Variants in BMPR1A observed in about 807,000 individuals in gnomAD.
BMPR1A encodes the protein bone morphogenetic protein receptor type 1A.
BMPR1A carries 7 observed loss-of-function variants against 66.0 expected under a neutral mutation model. That is an observed-to-expected ratio of 0.11 (90% CI 0.06 to 0.20). BMPR1A has a LOEUF of 0.20. Ranked by LOEUF, BMPR1A falls within the 10% of genes least tolerant of loss-of-function variation. The pLI is 1.00. For missense variants in BMPR1A, 408 were observed against 669.1 expected (o/e 0.61, Z 4.31); for synonymous variants, 200 against 229.7 (o/e 0.87, Z 1.17).
chr10:86,896,877 T>C (rs1001945292), intron 5 of BMPR1A, among the ~76,000 whole-genome samples: 4 of 152,194 alleles, frequency 2.6e-5, no homozygotes, highest in African/African-American at 9.7e-5. Flanking sequence ...CCAGCACTTA[T>C]CTAACTTTCT....
chr10:86,894,421 G>A (rs1446120161), intron 5 of BMPR1A, among the ~76,000 whole-genome samples: 1 of 152,200 alleles, frequency 6.6e-6, no homozygotes, highest in Non-Finnish European at 1.5e-5. Flanking sequence ...GGGATTTAAA[G>A]GATGCTAATT....
At position 86,875,322 on chromosome 10, in the gene BMPR1A, G is replaced by A. The variant is rs56886120; in HGVS notation, c.-152-545G>A. 5.8e-3 allele frequency among the ~76,000 whole-genome samples: 865 copies of A among 149,426 alleles called. 8 individuals carry two copies. Among genetic ancestry groups the A allele is most frequent in the African/African-American group, 0.02 (819 of 40,678 alleles). On this transcript the variant is annotated intron_variant, in intron 2 of 12. Coordinates refer to ENST00000372037, the MANE Select transcript of BMPR1A (RefSeq NM_004329.3). ...CAGGAGGTGGAGGTTGCAGTGAGTC[G>A]AGATGGTGCCATTGCACTCCAGCCT...
intron 1 of BMPR1A, among the ~76,000 whole-genome samples, chr10:86,793,094 A>G (rs867988381): frequency 9.4e-6 from 1 of 106,098 alleles, no homozygotes; most frequent in Admixed American, 1.0e-4. Context: ...CCTGATCTAT[A>G]CCCCCCCCCA....
chr10:86,791,716 C>T (rs888850930), intron 1 of BMPR1A, among the ~76,000 whole-genome samples: 3 of 93,130 alleles, frequency 3.2e-5, no homozygotes, highest in African/African-American at 1.2e-4. Context: ...TCCCTCCCTT[C>T]CTTCCTTCCT....
At chr10:86,892,441 A>C (rs1843166076) in intron 5 of BMPR1A, among the ~76,000 whole-genome samples, 1 of 152,144 alleles carries the variant, frequency 6.6e-6, no homozygotes, top group Admixed American at 6.5e-5. Flanking sequence ...GTTTGATTAC[A>C]ATTTCCTTTT....
intron 7 of BMPR1A, among the ~76,000 whole-genome samples, chr10:86,911,013 G>A (rs1189035196): frequency 3.3e-5 from 5 of 152,026 alleles, no homozygotes; most frequent in Non-Finnish European, 5.9e-5. Context: ...AAATTAGCCA[G>A]GCGTAGTGGA....
rs141036804 is a variant in BMPR1A at position 86,845,390 on chromosome 10, G to A, written c.-153+6411G>A. Among the ~76,000 whole-genome samples, 143 of 152,300 alleles carry A rather than the reference G, an allele frequency of 9.4e-4. 1 individual carries two copies. Among genetic ancestry groups the A allele is most frequent in the Middle Eastern group, 3.4e-3 (1 of 294 alleles). ...ATGCATGCACCAACTTTCACCTGTTGTTAATTGAAGGTTGCTCCGTGAGCT... is the reference window on the plus strand; with the variant it reads ...ATGCATGCACCAACTTTCACCTGTTATTAATTGAAGGTTGCTCCGTGAGCT... On this transcript the variant is annotated intron_variant, in intron 2 of 12. Coordinates refer to ENST00000372037, the MANE Select transcript of BMPR1A (RefSeq NM_004329.3).
intron 1 of BMPR1A, among the ~76,000 whole-genome samples, chr10:86,795,010 A>G (rs1244804833): frequency 1.3e-5 from 2 of 151,452 alleles, no homozygotes; most frequent in East Asian, 3.9e-4. Flanking sequence ...CACCACCACA[A>G]CTAGCTAATT....
At chr10:86,778,021 AAATT>A (rs1464570866) in intron 1 of BMPR1A, among the ~76,000 whole-genome samples, 2 of 152,018 alleles carry the variant, frequency 1.3e-5, no homozygotes, top group Non-Finnish European at 2.9e-5. Flanking sequence ...AAAAAAAAAA[AAATT>A]AAATTGACAA....
chr10:86,786,751 C>G (rs1420383999), intron 1 of BMPR1A, among the ~76,000 whole-genome samples: 2 of 152,176 alleles, frequency 1.3e-5, no homozygotes, highest in African/African-American at 2.4e-5. Context: ...GACTTATGTT[C>G]CACCTGGATG....
intron 2 of BMPR1A, among the ~76,000 whole-genome samples, chr10:86,869,036 A>G (rs1042427940): frequency 3.3e-5 from 5 of 152,180 alleles, no homozygotes; most frequent in African/African-American, 9.7e-5. Flanking sequence ...GCAGCATGTC[A>G]AATATCTGCA....
chr10:86,772,184 A>C (rs1180674021), intron 1 of BMPR1A, among the ~76,000 whole-genome samples: 5 of 131,824 alleles, frequency 3.8e-5, no homozygotes, highest in Non-Finnish European at 7.6e-5. Flanking sequence ...AGGCTGGAGT[A>C]CAGTGGCACG....
intron 5 of BMPR1A, among the ~76,000 whole-genome samples, chr10:86,897,043 C>T (rs1843233327): frequency 2.6e-5 from 4 of 152,172 alleles, no homozygotes; most frequent in Admixed American, 2.6e-4. Context: ...CTTCCACTCC[C>T]CAGGCTGCAT....
intron 1 of BMPR1A, among the ~76,000 whole-genome samples, chr10:86,761,078 G>T (rs1395788454): frequency 6.6e-6 from 1 of 152,176 alleles, no homozygotes; most frequent in Non-Finnish European, 1.5e-5. Flanking sequence ...GATGTGCCTG[G>T]AAATCCCCAG....
chr10:86,795,734 AT>A (rs1159079276), intron 1 of BMPR1A, among the ~76,000 whole-genome samples: 8 of 151,900 alleles, frequency 5.3e-5, no homozygotes, highest in Non-Finnish European at 4.4e-5. Flanking sequence ...GTTGCTACTT[AT>A]TTTTTTTAAG....
chr10:86,762,156 C>G (rs1841070130), intron 1 of BMPR1A, among the ~76,000 whole-genome samples: 1 of 152,220 alleles, frequency 6.6e-6, no homozygotes, highest in East Asian at 1.9e-4. Flanking sequence ...ATAGACATGG[C>G]TGGACCTAAG....
intron 1 of BMPR1A, among the ~76,000 whole-genome samples, chr10:86,809,201 C>G (rs1268424741): frequency 6.6e-6 from 1 of 152,120 alleles, no homozygotes; most frequent in Non-Finnish European, 1.5e-5. Context: ...TTAAAGTATA[C>G]AATTCCAGTT....
intron 3 of BMPR1A, among the ~76,000 whole-genome samples, chr10:86,878,424 G>A (rs538071004): frequency 6.6e-6 from 1 of 152,148 alleles, no homozygotes; most frequent in Non-Finnish European, 1.5e-5. Flanking sequence ...TTTACAACAG[G>A]ATATATTAAT....
At chr10:86,904,352 G>GA (rs1357631728) in intron 7 of BMPR1A, among the ~76,000 whole-genome samples, 2 of 152,082 alleles carry the variant, frequency 1.3e-5, no homozygotes, top group African/African-American at 4.8e-5. Flanking sequence ...AAACAAGAAG[G>GA]AAAAAAGGCA....
Sources: allele counts gnomAD v4.1 joint callset (sites outside exome capture counted in the v4.1 genomes callset), GRCh38; gene constraint gnomAD v4.1.1; transcripts MANE v1.5; gene names NCBI Gene and HGNC (gene_info 2026-07-23, HGNC 2026-07-21).